Variants in SALL3 observed in about 807,000 individuals in gnomAD.
SALL3 encodes the protein sal-like protein 3.
SALL3 carries 25 observed loss-of-function variants against 66.2 expected under a neutral mutation model. The observed-to-expected ratio is 0.38, with a 90% CI of 0.28 to 0.53. The LOEUF (loss-of-function observed/expected upper bound fraction) is 0.53. Ranked by LOEUF, SALL3 falls within the 20% of genes least tolerant of loss-of-function variation. SALL3 has a pLI of 0.85. For synonymous variants in SALL3, 1,152 were observed against 899.1 expected (o/e 1.28, Z -5.03); for missense variants, 2,194 against 1,916.5 (o/e 1.14, Z -2.70).
Position 78,995,354 on chromosome 18 carries a change from C to T in SALL3, c.3363C>T (p.Thr1121=), listed in dbSNP as rs1174005624. 1.3e-6 allele frequency: 2 copies of T among 1,576,426 alleles called. No homozygotes were observed. The highest frequency in any genetic ancestry group is 8.6e-7 in the Non-Finnish European group (1 of 1,168,328). Residue 1121 remains threonine (T), a synonymous_variant, in exon 2 of 3, where the codon ACC becomes ACT. Coordinates refer to ENST00000537592, the MANE Select transcript of SALL3 (RefSeq NM_171999.4). Reference sequence around the variant, plus strand: ...ACAACTGCCAGTCGTGCGGGAAGACCTTCTCCTCGGCCAGCGCCCTGCAGA... The same window carrying T: ...ACAACTGCCAGTCGTGCGGGAAGACTTTCTCCTCGGCCAGCGCCCTGCAGA... The part of the protein sequence containing the change: ...KQHNCQSCGK[T]FSSASALQIH...
Position 78,993,729 on chromosome 18 carries a change from A to T in SALL3, c.1738A>T (p.Thr580Ser). 6.4e-7 allele frequency: 1 copy of T among 1,551,890 alleles called. No homozygotes were observed. Among genetic ancestry groups the T allele is most frequent in the Non-Finnish European group, 8.6e-7 (1 of 1,157,440 alleles). ...CCACGTGGAGTCCGGCGTGTCGGCC[A>T]CCGCCGAGTCCCCACAGTCGCTCCT... ...LNHVESGVSA[T>S]AESPQSLLGG... is the part of the protein sequence containing the mutation. Residue 580 changes from threonine to serine, a missense_variant, in exon 2 of 3, where the codon ACC (threonine) becomes TCC (serine). Physicochemically the swap from Thr to Ser is moderately conservative, Grantham distance 58 (BLOSUM62 1). Transcript: ENST00000537592.
In SALL3 at chr18:78,994,178, C is replaced by G; in HGVS notation, c.2187C>G (p.His729Gln). 6.2e-7 allele frequency: 1 copy of G among 1,613,268 alleles called. No individual in the cohort carries two copies. The highest frequency in any genetic ancestry group is 8.5e-7 in the Non-Finnish European group (1 of 1,179,994). The change falls in exon 2 of 3, where the codon CAC (histidine) becomes CAG (glutamine). Residue 729 changes from histidine (H) to glutamine (Q), a missense_variant. Coordinates refer to ENST00000537592, the MANE Select transcript of SALL3 (RefSeq NM_171999.4). ...ACCTCAAGACGCACTTCGGCGTGCA[C>G]CGTGCAAAGCCGCCCCTGCGCGTGC... ...KGNLKTHFGVHRAKPPLRVQH... is the reference protein window; with the variant it reads ...KGNLKTHFGVQRAKPPLRVQH...
intron 1 of SALL3, among the ~76,000 whole-genome samples, chr18:78,986,608 A>G (rs1914254239): frequency 6.6e-6 from 1 of 152,232 alleles, no homozygotes; most frequent in Non-Finnish European, 1.5e-5. Flanking sequence ...ATTTAGGAAA[A>G]CTGGAAAAAA....
In SALL3 at chr18:78,993,452, C is replaced by T. The variant is rs1446337298; in HGVS notation, c.1461C>T (p.Tyr487=). The T allele has an allele frequency of 1.9e-6, 3 of 1,612,870 alleles. No individual in the cohort carries two copies. Among genetic ancestry groups the T allele is most frequent in the African/African-American group, 1.3e-5 (1 of 74,928 alleles). Residue 487 remains tyrosine, a synonymous_variant, in exon 2 of 3, where the codon TAC becomes TAT. Coordinates refer to ENST00000537592, the MANE Select transcript of SALL3 (RefSeq NM_171999.4). ...IQMNPYPVPE[Y]LDNVPTCSGI... ...TGAACCCTTACCCGGTCCCCGAGTA[C>T]CTGGACAACGTGCCCACCTGCTCGG... is the stretch of plus-strand genomic sequence containing the variant.
Position 78,994,919 on chromosome 18 carries a change from C to G in SALL3, c.2928C>G (p.Ser976Arg). The change falls in exon 2 of 3, where the codon AGC becomes AGG. Residue 976 changes from serine (S) to arginine (R), a missense_variant. Coordinates refer to ENST00000537592, the MANE Select transcript of SALL3 (RefSeq NM_171999.4). Reference sequence around the variant, plus strand: ...GCAGGGAGCGGGGTAAGTGTCCCAGCACTGTGTGTGGTGTCTGTGGCAAGC... The same window carrying G: ...GCAGGGAGCGGGGTAAGTGTCCCAGGACTGTGTGTGGTGTCTGTGGCAAGC... The part of the protein sequence containing the change: ...FLSRERGKCP[S>R]TVCGVCGKPF... The G allele has an allele frequency of 6.2e-7, 1 of 1,613,484 alleles. No homozygotes were observed. The highest frequency in any genetic ancestry group is 2.2e-5 in the East Asian group (1 of 44,858).
At position 78,995,000 on chromosome 18, in the gene SALL3, G is replaced by A. The variant is rs1914635364; in HGVS notation, c.3009G>A (p.Arg1003=). Residue 1003 remains arginine (R), a synonymous_variant, in exon 2 of 3, where the codon CGG becomes CGA. Transcript: ENST00000537592. Reference sequence around the variant, plus strand: ...ACTACCGCAGCCATACTAAGGAGCGGCCATTCGTCTGCGCGCTCTGCAGGC... The same window carrying A: ...ACTACCGCAGCCATACTAAGGAGCGACCATTCGTCTGCGCGCTCTGCAGGC... ...EIHYRSHTKE[R]PFVCALCRRG... is the part of the protein sequence containing the mutation. 6 of 1,613,898 alleles carry A rather than the reference G, an allele frequency of 3.7e-6. No homozygotes were observed. In the East Asian group the frequency reaches 1.3e-4, roughly 36 times the overall value.
chr18:78,997,145 C>T lies in SALL3; in HGVS notation c.3726C>T (p.Pro1242=), dbSNP rs148335210. 2,344 of 1,614,038 alleles carry T rather than the reference C, an allele frequency of 1.5e-3. 8 individuals carry two copies. The highest frequency in any genetic ancestry group is 0.012 in the Middle Eastern group (70 of 6,062). ...AGAACGGCGGCATCCCCCAGCTCCCCGTGAGTCTTGGGGGCAGCGCCCTCC... is the reference window on the plus strand; with the variant it reads ...AGAACGGCGGCATCCCCCAGCTCCCTGTGAGTCTTGGGGGCAGCGCCCTCC... The part of the protein sequence containing the change: ...VIQNGGIPQL[P]VSLGGSALPP... The change falls in exon 3 of 3, where the codon CCC becomes CCT. Residue 1242 remains proline (P), a synonymous_variant. Coordinates refer to ENST00000537592, the MANE Select transcript of SALL3 (RefSeq NM_171999.4).
At position 78,994,820 on chromosome 18, in the gene SALL3, C is replaced by T. The variant is rs771921090; in HGVS notation, c.2829C>T (p.Ala943=). Residue 943 remains alanine (A), a synonymous_variant, in exon 2 of 3, where the codon GCC becomes GCT. Transcript: ENST00000537592. ...CCGAGAGGCCGGACAGCCCAGCCGC[C>T]GCCCCGGGCAGCGGAGGCGCCCCTG... is the stretch of plus-strand genomic sequence containing the variant. The part of the protein sequence containing the change: ...LKTERPDSPA[A]APGSGGAPGR... 3.8e-6 allele frequency: 6 copies of T among 1,595,116 alleles called. No individual in the cohort carries two copies. The highest frequency in any genetic ancestry group is 4.3e-6 in the Non-Finnish European group (5 of 1,172,122).
intron 1 of SALL3, among the ~76,000 whole-genome samples, chr18:78,984,261 TTTCTA>T (rs1914165507): frequency 6.6e-6 from 1 of 152,198 alleles, no homozygotes; most frequent in Non-Finnish European, 1.5e-5. Flanking sequence ...ACAACCAGGG[TTTCTA>T]TTCTGTGTGC....
rs1294906575 is a variant in SALL3 at position 78,993,845 on chromosome 18, C to T, written c.1854C>T (p.Ser618=). ...AGDAPVGAQA[S]AAPTSVDGAP... ...ACGCTCCCGTGGGCGCGCAGGCTAG[C>T]GCTGCACCCACATCGGTGGACGGCG... is the stretch of plus-strand genomic sequence containing the variant. Residue 618 remains serine (S), a synonymous_variant, in exon 2 of 3, where the codon AGC becomes AGT. Coordinates refer to ENST00000537592, the MANE Select transcript of SALL3 (RefSeq NM_171999.4). The T allele has an allele frequency of 1.9e-6, 3 of 1,560,404 alleles. No homozygotes were observed. The highest frequency in any genetic ancestry group is 1.7e-6 in the Non-Finnish European group (2 of 1,154,942).
In SALL3 at chr18:78,995,275, G is replaced by T. The variant is rs766729716; in HGVS notation, c.3284G>T (p.Gly1095Val). ...QVPAGPQTVMGPGLAPMLAPP... is the reference protein window; with the variant it reads ...QVPAGPQTVMVPGLAPMLAPP... Reference sequence around the variant, plus strand: ...CCCGCCGGGCCTCAGACAGTGATGGGCCCGGGCCTGGCGCCCATGCTGGCC... The same window carrying T: ...CCCGCCGGGCCTCAGACAGTGATGGTCCCGGGCCTGGCGCCCATGCTGGCC... Residue 1095 changes from glycine to valine, a missense_variant, in exon 2 of 3, where the codon GGC becomes GTC. Gly to Val is a moderately radical substitution (Grantham distance 109). Transcript: ENST00000537592. The T allele has an allele frequency of 8.4e-5, 134 of 1,588,678 alleles. No homozygotes were observed. Among genetic ancestry groups the T allele is most frequent in the Middle Eastern group, 1.7e-4 (1 of 6,058 alleles).
chr18:78,990,289 C>T (rs189562190), intron 1 of SALL3, among the ~76,000 whole-genome samples: 1 of 152,308 alleles, frequency 6.6e-6, no homozygotes, highest in African/African-American at 2.4e-5. Context: ...GTCTGGTCTT[C>T]GGCGCTGAAT....
chr18:78,993,067 C>G lies in SALL3; in HGVS notation c.1076C>G (p.Pro359Arg). The change falls in exon 2 of 3, where the codon CCA becomes CGA. Residue 359 changes from proline (P) to arginine (R), a missense_variant. Coordinates refer to ENST00000537592, the MANE Select transcript of SALL3 (RefSeq NM_171999.4). ...GSLLGAAPGL[P>R]SPLLPQTSAS... Reference sequence around the variant, plus strand: ...CTGCTGGGTGCGGCGCCCGGCCTGCCAAGTCCGCTTCTACCTCAGACTTCC... The same window carrying G: ...CTGCTGGGTGCGGCGCCCGGCCTGCGAAGTCCGCTTCTACCTCAGACTTCC... 3 of 1,594,098 alleles carry G rather than the reference C, an allele frequency of 1.9e-6. No homozygotes were observed. The highest frequency in any genetic ancestry group is 2.6e-6 in the Non-Finnish European group (3 of 1,175,514).
chr18:78,983,285 A>T (rs1454133174), intron 1 of SALL3, among the ~76,000 whole-genome samples: 1 of 152,238 alleles, frequency 6.6e-6, no homozygotes, highest in Non-Finnish European at 1.5e-5. Flanking sequence ...AGCCAGCTGA[A>T]TATTTTTGTT....
Position 78,997,423 on chromosome 18 carries a change from T to G in SALL3, c.*101T>G. ...TCGGTTCTCATTACACTTTCACCCA[T>G]AGCAGAAAACACTTTGTGCGGCTGC... On this transcript the variant is annotated 3_prime_UTR_variant, in exon 3 of 3. Coordinates refer to ENST00000537592, the MANE Select transcript of SALL3 (RefSeq NM_171999.4). 1 of 1,227,006 alleles carries G rather than the reference T, an allele frequency of 8.1e-7. No homozygotes were observed. Among genetic ancestry groups the G allele is most frequent in the Non-Finnish European group, 1.2e-6 (1 of 861,622 alleles). 76.0% of individuals were successfully genotyped at this position (1,227,006 alleles called of 1,614,324 possible). A position where few individuals can be genotyped will look rare whatever the true frequency, so the allele number is the denominator to read the frequency against.
chr18:78,980,250 G>A lies in SALL3; in HGVS notation c.-25G>A. ...CGCCCCGCTGATGCCGCTGCCCCGCGCGGGGCCCGAGCGCCGCTAGCAGCA... is the reference window on the plus strand; with the variant it reads ...CGCCCCGCTGATGCCGCTGCCCCGCACGGGGCCCGAGCGCCGCTAGCAGCA... On this transcript the variant is annotated 5_prime_UTR_variant, in exon 1 of 3. Transcript: ENST00000537592. 2 of 1,200,366 alleles carry A rather than the reference G, an allele frequency of 1.7e-6. No individual in the cohort carries two copies. Among genetic ancestry groups the A allele is most frequent in the Non-Finnish European group, 2.1e-6 (2 of 949,570 alleles). The allele number at this position is 1,200,366 out of a possible 1,614,324, so 74.4% of individuals were successfully genotyped here.
Position 78,994,233 on chromosome 18 carries a change from T to G in SALL3, c.2242T>G (p.Phe748Val), listed in dbSNP as rs1401702897. ...QHSCPICQKKFTNAVVLQQHI... is the reference protein window; with the variant it reads ...QHSCPICQKKVTNAVVLQQHI... ...CTCCTGCCCCATCTGCCAGAAGAAG[T>G]TCACCAACGCCGTGGTCCTGCAGCA... The change falls in exon 2 of 3, where the codon TTC becomes GTC. Residue 748 changes from phenylalanine (F) to valine (V), a missense_variant. By Grantham distance (50) the Phe-to-Val change is conservative. Transcript: ENST00000537592. 3.7e-6 allele frequency: 6 copies of G among 1,613,664 alleles called. No homozygotes were observed. In the East Asian group the frequency reaches 6.7e-5, roughly 18 times the overall value.
At position 78,993,030 on chromosome 18, in the gene SALL3, G is replaced by A. The variant is rs778150835; in HGVS notation, c.1039G>A (p.Ala347Thr). Reference sequence around the variant, plus strand: ...GAGCGCATCCACGCCGCCTGCCCTGGCCCCGGGGTCCCTGCTGGGTGCGGC... The same window carrying A: ...GAGCGCATCCACGCCGCCTGCCCTGACCCCGGGGTCCCTGCTGGGTGCGGC... Reference protein sequence around the residue: ...PQSASTPPALAPGSLLGAAPG... With the variant: ...PQSASTPPALTPGSLLGAAPG... The change falls in exon 2 of 3, where the codon GCC (alanine) becomes ACC (threonine). Residue 347 changes from alanine (A) to threonine (T), a missense_variant. Coordinates refer to ENST00000537592, the MANE Select transcript of SALL3 (RefSeq NM_171999.4). The A allele has an allele frequency of 6.1e-5, 95 of 1,565,950 alleles. No individual in the cohort carries two copies. The Admixed American group carries it at 6.4e-4, about 11-fold the overall frequency.
In SALL3 at chr18:78,993,543, G is replaced by T; in HGVS notation, c.1552G>T (p.Val518Leu). Residue 518 changes from valine to leucine, a missense_variant, in exon 2 of 3, where the codon GTG (valine) becomes TTG (leucine). Physicochemically the swap from Val to Leu is conservative, Grantham distance 32. Coordinates refer to ENST00000537592, the MANE Select transcript of SALL3 (RefSeq NM_171999.4). ...PVTTWLDSKP[V>L]LPTVPTSVGL... ...GACCACCTGGCTGGACAGCAAGCCC[G>T]TGCTGCCCACCGTGCCCACGTCCGT... The T allele has an allele frequency of 1.3e-6, 2 of 1,594,938 alleles. No homozygotes were observed. Among genetic ancestry groups the T allele is most frequent in the Non-Finnish European group, 1.7e-6 (2 of 1,173,910 alleles).
Sources: gnomAD v4.1 joint callset for allele counts (sites outside exome capture counted in the v4.1 genomes callset) on GRCh38, gnomAD v4.1.1 for gene constraint, MANE v1.5 for transcripts, NCBI Gene and HGNC (gene_info 2026-07-23, HGNC 2026-07-21) for gene names.